Variants in TENM3 observed in about 807,000 individuals in gnomAD.
TENM3 encodes teneurin transmembrane protein 3, also known as teneurin-3.
In TENM3, 63 loss-of-function variants were observed where a neutral mutation model predicts 255.1. The ratio of observed to expected loss-of-function variants is 0.25; its 90% CI spans 0.20 to 0.30. The LOEUF (loss-of-function observed/expected upper bound fraction) is 0.30. Ranked by LOEUF, TENM3 falls within the 10% of genes least tolerant of loss-of-function variation. TENM3 has a pLI of 1.00. For synonymous variants in TENM3, 1,306 were observed against 1,322.3 expected (o/e 0.99, Z 0.27); for missense variants, 2,929 against 3,461.1 (o/e 0.85, Z 3.86).
At chr4:182,489,781 C>T (rs552449032) in intron 3 of TENM3, among the ~76,000 whole-genome samples, 5 of 151,264 alleles carry the variant, frequency 3.3e-5, no homozygotes, top group Non-Finnish European at 7.4e-5. Context: ...CTCCTTATTC[C>T]TTCCATTCCC....
At chr4:182,410,687 C>G (rs1336016337) in intron 3 of TENM3, among the ~76,000 whole-genome samples, 1 of 151,958 alleles carries the variant, frequency 6.6e-6, no homozygotes, top group East Asian at 1.9e-4. Context: ...CAGAGCAAGA[C>G]AAAGATGAGA....
At chr4:182,776,592 A>G (rs771430039) in intron 24 of TENM3, among the ~76,000 whole-genome samples, 36 of 152,144 alleles carry the variant, frequency 2.4e-4, no homozygotes, top group Non-Finnish European at 4.4e-4. Context: ...ACCATAACAT[A>G]TTGCCTGCTG....
chr4:181,823,558 C>G, the TENM3 span, among the ~76,000 whole-genome samples: 44 of 152,068 alleles, frequency 2.9e-4, no homozygotes, highest in Admixed American at 1.3e-3. Context: ...TCACTTAGAT[C>G]TCTGTTTTGA....
intron 3 of TENM3, among the ~76,000 whole-genome samples, chr4:182,519,520 G>T (rs1297932917): frequency 6.6e-6 from 1 of 152,102 alleles, no homozygotes; most frequent in Non-Finnish European, 1.5e-5. Context: ...ATTTGTAGGG[G>T]CAAGAGAAAG....
chr4:182,228,646 G>A (rs1235809075), intron 1 of TENM3, among the ~76,000 whole-genome samples: 3 of 151,862 alleles, frequency 2.0e-5, no homozygotes, highest in Non-Finnish European at 1.5e-5. Flanking sequence ...TCTTCATTTC[G>A]TGACAACATA....
chr4:181,888,823 A>G, the TENM3 span, among the ~76,000 whole-genome samples: 1 of 151,402 alleles, frequency 6.6e-6, no homozygotes, highest in Admixed American at 6.6e-5. Flanking sequence ...AGGAGTGCCA[A>G]CGTCCAAGGG....
At chr4:181,986,722 C>T in the TENM3 span, among the ~76,000 whole-genome samples, 4 of 152,080 alleles carry the variant, frequency 2.6e-5, no homozygotes, top group African/African-American at 9.7e-5. Flanking sequence ...GAATTCTCTT[C>T]TCCCTCAGTA....
the TENM3 span, among the ~76,000 whole-genome samples, chr4:181,963,620 C>T: frequency 6.6e-6 from 1 of 152,164 alleles, no homozygotes; most frequent in South Asian, 2.1e-4. Flanking sequence ...GGCCTCATAG[C>T]TTCAATCAAC....
At chr4:182,024,995 A>T in the TENM3 span, among the ~76,000 whole-genome samples, 4 of 147,160 alleles carry the variant, frequency 2.7e-5, no homozygotes, top group Non-Finnish European at 4.5e-5. Flanking sequence ...AGTTCCATCC[A>T]TGTTGTTGCA....
At chr4:182,147,656 G>C (rs1465080443) in intron 1 of TENM3, among the ~76,000 whole-genome samples, 3 of 152,062 alleles carry the variant, frequency 2.0e-5, no homozygotes, top group African/African-American at 7.2e-5. Flanking sequence ...TCAGATATCC[G>C]TTTGGACTTC....
chr4:182,266,970 A>G (rs1177677890), intron 1 of TENM3, among the ~76,000 whole-genome samples: 1 of 152,202 alleles, frequency 6.6e-6, no homozygotes, highest in Non-Finnish European at 1.5e-5. Flanking sequence ...ATAATCAACT[A>G]TAGAACTCTA....
chr4:182,213,706 C>T (rs1396506684), intron 1 of TENM3, among the ~76,000 whole-genome samples: 2 of 152,094 alleles, frequency 1.3e-5, no homozygotes, highest in Admixed American at 6.6e-5. Context: ...AAATTCTGAG[C>T]GACAAACAAA....
chr4:181,891,172 C>A, the TENM3 span, among the ~76,000 whole-genome samples: 1 of 152,178 alleles, frequency 6.6e-6, no homozygotes, highest in South Asian at 2.1e-4. Flanking sequence ...AACGTTGCAG[C>A]TGTTCATAAG....
At chr4:181,976,853 G>A in the TENM3 span, among the ~76,000 whole-genome samples, 1 of 152,184 alleles carries the variant, frequency 6.6e-6, no homozygotes, top group African/African-American at 2.4e-5. Context: ...TAAATCAGGG[G>A]AGAAAAGAAG....
the TENM3 span, among the ~76,000 whole-genome samples, chr4:181,885,045 T>A: frequency 6.6e-6 from 1 of 152,170 alleles, no homozygotes; most frequent in Non-Finnish European, 1.5e-5. Context: ...CATGTGAAAT[T>A]TTTCTTAATT....
chr4:181,468,766 T>A, the TENM3 span, among the ~76,000 whole-genome samples: 43 of 152,348 alleles, frequency 2.8e-4, no homozygotes, highest in African/African-American at 1.0e-3. Flanking sequence ...CTTCAGCTTT[T>A]TGTAAGTGTT....
chr4:182,000,210 C>A, the TENM3 span, among the ~76,000 whole-genome samples: 1 of 152,106 alleles, frequency 6.6e-6, no homozygotes, highest in Non-Finnish European at 1.5e-5. Flanking sequence ...GAAATATAAT[C>A]CAACTCAGCC....
chr4:182,398,852 T>G (rs977168299), intron 3 of TENM3, among the ~76,000 whole-genome samples: 2 of 152,220 alleles, frequency 1.3e-5, no homozygotes, highest in African/African-American at 2.4e-5. Flanking sequence ...TCTACGCGAA[T>G]AAGTCAGAAG....
chr4:181,625,489 C>T, the TENM3 span, among the ~76,000 whole-genome samples: 1 of 152,138 alleles, frequency 6.6e-6, no homozygotes, highest in East Asian at 1.9e-4. Context: ...ACCTGCACTT[C>T]GCAGTCTCTG....
Sources: gnomAD v4.1 joint callset for allele counts (sites outside exome capture counted in the v4.1 genomes callset) on GRCh38, gnomAD v4.1.1 for gene constraint, MANE v1.5 for transcripts, NCBI Gene and HGNC (gene_info 2026-07-23, HGNC 2026-07-21) for gene names.